The following PLB1 variants were observed in gnomAD, a reference collection of about 807,000 sequenced individuals.
PLB1 encodes phospholipase B1, membrane-associated.
In PLB1, 242 loss-of-function variants were observed where a neutral mutation model predicts 227.4. The ratio of observed to expected loss-of-function variants is 1.06; its 90% CI spans 0.96 to 1.18. The LOEUF is 1.18. PLB1 is among the 50% of genes most tolerant of loss of function. The pLI, the probability that PLB1 is intolerant of heterozygous loss-of-function variation, is 0.00. For synonymous variants in PLB1, 757 were observed against 682.2 expected (o/e 1.11, Z -1.71); for missense variants, 1,858 against 1,816.3 (o/e 1.02, Z -0.42).
chr2:28,582,332 G>A, intron 24 of PLB1, 73 bp from the exon 25 acceptor site: 1 of 1,357,744 alleles, frequency 7.4e-7, no homozygotes. Flanking sequence ...TTCAGCAGGA[G>A]GAGCAGGCCC....
intron 18 of PLB1, among the ~76,000 whole-genome samples, chr2:28,564,584 C>T (rs1473200743): frequency 1.3e-5 from 2 of 152,208 alleles, no homozygotes; most frequent in African/African-American, 2.4e-5. Flanking sequence ...CATCTCGGCA[C>T]AGCTGCTCAG....
chr2:28,585,625 C>G, intron 25 of PLB1, 136 bp from the exon 26 acceptor site: 2 of 734,238 alleles, frequency 2.7e-6, no homozygotes, highest in South Asian at 3.4e-5. Flanking sequence ...GTCAGCCAGC[C>G]AGGCTCCTCA....
At chr2:28,602,512 T>C (rs1156796276) in intron 38 of PLB1, among the ~76,000 whole-genome samples, 1 of 152,228 alleles carries the variant, frequency 6.6e-6, no homozygotes, top group African/African-American at 2.4e-5. Context: ...AGGTTGCCTA[T>C]CTCACCGAAG....
chr2:28,567,939 A>G (rs1437385693), intron 20 of PLB1, among the ~76,000 whole-genome samples: 2 of 152,096 alleles, frequency 1.3e-5, no homozygotes, highest in Non-Finnish European at 2.9e-5. Context: ...AACTGGTCCC[A>G]TTTTCATTTA....
chr2:28,556,530 T>G (rs1298511011), intron 17 of PLB1, among the ~76,000 whole-genome samples: 2 of 152,224 alleles, frequency 1.3e-5, no homozygotes, highest in Non-Finnish European at 2.9e-5. Context: ...TTTATAACTT[T>G]GTAAACACTC....
intron 5 of PLB1, 70 bp downstream of exon 5, chr2:28,525,377 T>C: frequency 6.6e-7 from 1 of 1,525,692 alleles, no homozygotes; most frequent in Non-Finnish European, 9.0e-7. Context: ...TCTTGCCTTA[T>C]TAATGGGAAA....
chr2:28,550,865 G>A (rs1674137714), intron 16 of PLB1, among the ~76,000 whole-genome samples: 1 of 152,042 alleles, frequency 6.6e-6, no homozygotes, highest in Non-Finnish European at 1.5e-5. Flanking sequence ...TAACATCCTG[G>A]AACTCCCGCT....
intron 21 of PLB1, among the ~76,000 whole-genome samples, chr2:28,573,898 C>T (rs1003189060): frequency 1.3e-5 from 2 of 152,212 alleles, no homozygotes; most frequent in African/African-American, 4.8e-5. Flanking sequence ...ACGTGACACA[C>T]GTTGGTCAAA....
intron 23 of PLB1, among the ~76,000 whole-genome samples, chr2:28,580,825 G>T (rs1418503122): frequency 1.3e-5 from 2 of 152,172 alleles, no homozygotes; most frequent in African/African-American, 2.4e-5. Flanking sequence ...AGATGAGGAG[G>T]TTTGTCAGAC....
rs915473271 is a variant in PLB1 at position 28,618,246 on chromosome 2, C to T, written c.3257-95C>T. On this transcript the variant is annotated intron_variant, in intron 45 of 57. Coordinates refer to ENST00000327757, the MANE Select transcript of PLB1 (RefSeq NM_153021.5). ...AGCTGAAAATAAGTACAATGGGGAG[C>T]AGTGGGACAGAGTTATAGACTTCTG... 13 of 1,113,230 alleles carry T rather than the reference C, an allele frequency of 1.2e-5. No homozygotes were observed. The African/African-American group carries it at 1.5e-4, about 13-fold the overall frequency. 69.0% of individuals were successfully genotyped at this position (1,113,230 alleles called of 1,614,324 possible).
chr2:28,622,011 T>C (rs1042651985), intron 49 of PLB1, among the ~76,000 whole-genome samples: 5 of 152,222 alleles, frequency 3.3e-5, no homozygotes, highest in Admixed American at 6.5e-5. Context: ...TCAGCTCCTC[T>C]GCCAGATGAA....
chr2:28,544,256 C>T (rs1485749561), intron 14 of PLB1, among the ~76,000 whole-genome samples: 5 of 152,226 alleles, frequency 3.3e-5, no homozygotes, highest in Non-Finnish European at 7.3e-5. Flanking sequence ...CTCAGTGTGC[C>T]TGGCACTTGC....
At chr2:28,597,983 C>T (rs774981391) in intron 33 of PLB1, 22 bp from the exon 34 acceptor site, 1 of 1,608,350 alleles carries the variant, frequency 6.2e-7, no homozygotes, top group Admixed American at 1.7e-5. Context: ...CTCTCATTCA[C>T]TGGCTTGCTC....
chr2:28,566,850 G>T lies in PLB1; in HGVS notation c.1324+11G>T, dbSNP rs777883082. The stretch of plus-strand genomic sequence containing the variant: ...TTACCACCCTGGCGAGTGAGTACGC[G>T]GCGGCGGCCGGGATGTTTGGTTTGG... On this transcript the variant is annotated intron_variant, in intron 20 of 57. Transcript: ENST00000327757. 8.7e-6 allele frequency: 14 copies of T among 1,613,134 alleles called. No individual in the cohort carries two copies. Among genetic ancestry groups the T allele is most frequent in the Admixed American group, 1.7e-5 (1 of 59,990 alleles).
intron 9 of PLB1, among the ~76,000 whole-genome samples, chr2:28,537,330 C>T (rs1021496285): frequency 6.6e-6 from 1 of 152,140 alleles, no homozygotes. Flanking sequence ...AGGGGACAGC[C>T]AGTCTGCTGT....
At chr2:28,521,929 C>G (rs189808710) in intron 4 of PLB1, among the ~76,000 whole-genome samples, 1 of 152,094 alleles carries the variant, frequency 6.6e-6, no homozygotes, top group African/African-American at 2.4e-5. Context: ...CATCCTCCCC[C>G]ATCCCTGCAG....
chr2:28,634,753 A>G (rs1436968812), intron 56 of PLB1, among the ~76,000 whole-genome samples: 2 of 152,144 alleles, frequency 1.3e-5, no homozygotes, highest in East Asian at 3.9e-4. Flanking sequence ...TACAAAAATA[A>G]TCAAAATATT....
At chr2:28,640,520 G>T (rs1038250288) in intron 56 of PLB1, among the ~76,000 whole-genome samples, 1 of 152,202 alleles carries the variant, frequency 6.6e-6, no homozygotes, top group Admixed American at 6.5e-5. Flanking sequence ...ACTTTGAGAA[G>T]TTGGTAAATA....
chr2:28,614,212 A>G, intron 44 of PLB1, 116 bp downstream of exon 44: 1 of 1,026,028 alleles, frequency 9.7e-7, no homozygotes, highest in Non-Finnish European at 1.5e-6. Flanking sequence ...CTTCTTACAT[A>G]CTGGGGATTG....
Sources: allele counts gnomAD v4.1 joint callset (sites outside exome capture counted in the v4.1 genomes callset), GRCh38; gene constraint gnomAD v4.1.1; transcripts MANE v1.5; gene names NCBI Gene and HGNC (gene_info 2026-07-23, HGNC 2026-07-21).